The following CAMK2B variants were observed in gnomAD, a reference collection of about 807,000 sequenced individuals.
CAMK2B encodes calcium/calmodulin dependent protein kinase II beta.
CAMK2B carries 27 observed loss-of-function variants against 93.7 expected under a neutral mutation model. The observed-to-expected ratio is 0.29, with a 90% CI of 0.21 to 0.40. The LOEUF is 0.40. Among genes scored for constraint, CAMK2B ranks in the 10% least tolerant of loss-of-function variants. The pLI, the probability that CAMK2B is intolerant of heterozygous loss-of-function variation, is 1.00. For missense variants in CAMK2B, 568 were observed against 895.8 expected, an observed-to-expected ratio of 0.63 and a Z score of 4.67; for synonymous variants, 374 against 358.8, an observed-to-expected ratio of 1.04 and a Z score of -0.48.
At chr7:44,239,327 C>T (rs2096654306) in intron 13 of CAMK2B, among the ~76,000 whole-genome samples, 1 of 152,208 alleles carries the variant, frequency 6.6e-6, no homozygotes, top group Non-Finnish European at 1.5e-5. Context: ...ACCTCGGGGG[C>T]CAGGACCAGA....
Position 44,219,274 on chromosome 7 carries a change from G to C in CAMK2B, c.*251C>G, listed in dbSNP as rs1370623198. 1 of 87,194 alleles carries C rather than the reference G, an allele frequency of 1.1e-5. No homozygotes were observed. 5.4% of individuals were successfully genotyped at this position (87,194 alleles called of 1,614,324 possible). A position where few individuals can be genotyped will look rare whatever the true frequency, so the allele number is the denominator to read the frequency against. The stretch of plus-strand genomic sequence containing the variant: ...TTTTTACAGCTTTTTCCTTCCTTTA[G>C]TTTTTTTTGTTTTTTTTTTTTTTCA... On this transcript the variant is annotated 3_prime_UTR_variant, in exon 24 of 24. Transcript: ENST00000395749.
At chr7:44,227,691 A>G (rs183850607) in intron 19 of CAMK2B, among the ~76,000 whole-genome samples, 3 of 2,830 alleles carry the variant, frequency 1.1e-3, no homozygotes, top group Non-Finnish European at 1.0e-3. Context: ...GGGGACAGAA[A>G]AGGGCGTGAA....
At chr7:44,233,158 A>G (rs1583944886) in intron 15 of CAMK2B, among the ~76,000 whole-genome samples, 1 of 152,010 alleles carries the variant, frequency 6.6e-6, no homozygotes, top group Non-Finnish European at 1.5e-5. Flanking sequence ...CAAGCTGCAC[A>G]ATGTGTGTGG....
Position 44,311,549 on chromosome 7 carries a change from C to T in CAMK2B, c.65+13808G>A, listed in dbSNP as rs1432670563. On this transcript the variant is annotated intron_variant, in intron 1 of 23. Coordinates refer to ENST00000395749, the MANE Select transcript of CAMK2B (RefSeq NM_001220.5). The surrounding 1 kb of genome is among the most constrained non-coding windows in gnomAD (Gnocchi z 4.2). ...GGGTGGCAGGTAAGATTGTTGTGCCCCAGCATGTGCCCCTGAGGCTGGCCC... is the reference window on the plus strand; with the variant it reads ...GGGTGGCAGGTAAGATTGTTGTGCCTCAGCATGTGCCCCTGAGGCTGGCCC... Among the ~76,000 whole-genome samples, 1 of 152,190 alleles carries T rather than the reference C, an allele frequency of 6.6e-6. No individual in the cohort carries two copies. Among genetic ancestry groups the T allele is most frequent in the African/African-American group, 2.4e-5 (1 of 41,446 alleles).
chr7:44,262,760 C>T (rs1392297651), intron 3 of CAMK2B, among the ~76,000 whole-genome samples: 2 of 152,138 alleles, frequency 1.3e-5, no homozygotes, highest in African/African-American at 2.4e-5. Context: ...GAGCTGGGCA[C>T]CCAGAGCCCC....
chr7:44,278,181 C>A (rs899978957), intron 2 of CAMK2B, among the ~76,000 whole-genome samples: 1 of 152,140 alleles, frequency 6.6e-6, no homozygotes, highest in Non-Finnish European at 1.5e-5. Context: ...AGGAGGGGGC[C>A]CTGGGGCCTG....
chr7:44,243,931 G>A (rs557987593), intron 6 of CAMK2B, among the ~76,000 whole-genome samples: 2 of 152,322 alleles, frequency 1.3e-5, no homozygotes, highest in African/African-American at 4.8e-5. Flanking sequence ...GGCTCCCATG[G>A]CCCTCGGACT....
chr7:44,258,266 C>T (rs748895230), intron 4 of CAMK2B, among the ~76,000 whole-genome samples: 5 of 149,680 alleles, frequency 3.3e-5, no homozygotes, highest in Admixed American at 6.6e-5. Context: ...CACATGCAAA[C>T]GTGCATGCAT....
rs374328933 is a variant in CAMK2B at position 44,312,822 on chromosome 7, C to G, written c.65+12535G>C. 7.9e-4 allele frequency among the ~76,000 whole-genome samples: 120 copies of G among 152,286 alleles called. No individual in the cohort carries two copies. The highest frequency in any genetic ancestry group is 2.8e-3 in the African/African-American group (116 of 41,550). On this transcript the variant is annotated intron_variant, in intron 1 of 23. Transcript: ENST00000395749. The surrounding 1 kb of genome is among the most constrained non-coding windows in gnomAD (Gnocchi z 4.1). ...TGTAAGAATAAAATGAACCTGGCCTCAGGCATGCAGAGGAGTTGTGAAAAG... is the reference window on the plus strand; with the variant it reads ...TGTAAGAATAAAATGAACCTGGCCTGAGGCATGCAGAGGAGTTGTGAAAAG...
Position 44,219,344 on chromosome 7 carries a change from G to GTTTTTTTTTTTTTTTTTTTT in CAMK2B, c.*161_*180dup, listed in dbSNP as rs59312365. The GTTTTTTTTTTTTTTTTTTTT allele has an allele frequency of 2.8e-5, 1 of 35,184 alleles. No homozygotes were observed. Among genetic ancestry groups the GTTTTTTTTTTTTTTTTTTTT allele is most frequent in the Non-Finnish European group, 5.2e-5 (1 of 19,158 alleles). 2.2% of individuals were successfully genotyped at this position (35,184 alleles called of 1,614,324 possible). The stretch of plus-strand genomic sequence containing the variant: ...TTTTTGTGGTTGTCGTCGTCATCTT[G>GTTTTTTTTTTTTTTTTTTTT]TTTTTTTTTTTTTTTTTTTTGTTTT... On this transcript the variant is annotated 3_prime_UTR_variant, in exon 24 of 24. Transcript: ENST00000395749.
chr7:44,241,852 C>T, intron 10 of CAMK2B, 69 bp from the exon 11 acceptor site: 1 of 1,301,092 alleles, frequency 7.7e-7, no homozygotes, highest in Non-Finnish European at 1.1e-6. Context: ...GGTGGCAAGG[C>T]TTGTGGCACC....
At chr7:44,255,122 TA>T (rs2096823433) in intron 4 of CAMK2B, among the ~76,000 whole-genome samples, 1 of 152,042 alleles carries the variant, frequency 6.6e-6, no homozygotes, top group South Asian at 2.1e-4. Flanking sequence ...GATCAGAGCC[TA>T]AAGACACGGT....
chr7:44,310,136 C>A (rs996830805), intron 1 of CAMK2B, among the ~76,000 whole-genome samples: 1 of 152,258 alleles, frequency 6.6e-6, no homozygotes, highest in African/African-American at 2.4e-5. Context: ...TTTTTTCCTG[C>A]AAGCTGCGCA....
Position 44,294,042 on chromosome 7 carries a change from G to A in CAMK2B, c.66-9817C>T, listed in dbSNP as rs894304819. Among the ~76,000 whole-genome samples, 7 of 152,146 alleles carry A rather than the reference G, an allele frequency of 4.6e-5. No homozygotes were observed. In the South Asian group the frequency reaches 6.2e-4, roughly 14 times the overall value. On this transcript the variant is annotated intron_variant, in intron 1 of 23. Coordinates refer to ENST00000395749, the MANE Select transcript of CAMK2B (RefSeq NM_001220.5). ...AGGCAGTGGGCAGCAATCTGAGGTC[G>A]GGTGGGGTCCGACTGGCTCCCAAGG...
At chr7:44,265,240 G>A (rs1007388078) in intron 2 of CAMK2B, among the ~76,000 whole-genome samples, 5 of 152,196 alleles carry the variant, frequency 3.3e-5, no homozygotes, top group African/African-American at 1.2e-4. Context: ...GCAGCACTCA[G>A]GTGCGTCTCA....
intron 1 of CAMK2B, among the ~76,000 whole-genome samples, chr7:44,322,232 G>A (rs540863423): frequency 1.3e-5 from 2 of 152,286 alleles, no homozygotes; most frequent in African/African-American, 2.4e-5. Context: ...GGTTTTTTAT[G>A]TAAAGTTAAG....
At chr7:44,293,151 C>T (rs1787322077) in intron 1 of CAMK2B, among the ~76,000 whole-genome samples, 2 of 152,246 alleles carry the variant, frequency 1.3e-5, no homozygotes, top group Admixed American at 1.3e-4. Flanking sequence ...GGAAGCCACT[C>T]GCTTCAGTGC....
At chr7:44,227,767 G>GGAGGGTGTGGGGGACAGA (rs1249650947) in intron 19 of CAMK2B, among the ~76,000 whole-genome samples, 9 of 6,340 alleles carry the variant, frequency 1.4e-3, no homozygotes, top group South Asian at 8.5e-3. Flanking sequence ...GGGGGACAGA[G>GGAGGGTGTGGGGGACAGA]GGAGAGTCTG....
At chr7:44,289,557 T>C (rs1007611844) in intron 1 of CAMK2B, among the ~76,000 whole-genome samples, 2 of 151,890 alleles carry the variant, frequency 1.3e-5, no homozygotes, top group African/African-American at 4.8e-5. Context: ...TCCCGTGTGG[T>C]CACGCAGACC....
Sources: allele counts gnomAD v4.1 joint callset (sites outside exome capture counted in the v4.1 genomes callset), GRCh38; gene constraint gnomAD v4.1.1; non-coding constraint Gnocchi (gnomAD v3.1); transcripts MANE v1.5; gene names NCBI Gene and HGNC (gene_info 2026-07-23, HGNC 2026-07-21).